Variants in CCSER1 observed in about 807,000 individuals in gnomAD.
The protein encoded by CCSER1 is serine-rich coiled-coil domain-containing protein 1.
Under a neutral mutation model 82.0 loss-of-function variants are expected in CCSER1, and 41 were observed. The ratio of observed to expected loss-of-function variants is 0.50; its 90% CI spans 0.39 to 0.65. The LOEUF is 0.65. CCSER1 is among the 30% of genes least tolerant of loss of function. The pLI, the probability that CCSER1 is intolerant of heterozygous loss-of-function variation, is 0.00. For missense variants in CCSER1, 1,119 were observed against 1,064.2 expected, an observed-to-expected ratio of 1.05 and a Z score of -0.72; for synonymous variants, 414 against 383.9, an observed-to-expected ratio of 1.08 and a Z score of -0.92.
chr4:90,760,806 A>G (rs1189582889), intron 7 of CCSER1, among the ~76,000 whole-genome samples: 2 of 152,082 alleles, frequency 1.3e-5, no homozygotes, highest in African/African-American at 2.4e-5. Flanking sequence ...TGAGGTTACA[A>G]AAACAAATAC....
intron 7 of CCSER1, among the ~76,000 whole-genome samples, chr4:90,786,345 T>C (rs1754517692): frequency 6.6e-6 from 1 of 152,152 alleles, no homozygotes; most frequent in Non-Finnish European, 1.5e-5. Flanking sequence ...TTGGTCTGAA[T>C]ATTTTCTTTG....
intron 10 of CCSER1, among the ~76,000 whole-genome samples, chr4:91,406,102 A>G (rs1752682503): frequency 6.6e-6 from 1 of 152,214 alleles, no homozygotes. Flanking sequence ...TGCAAAACAG[A>G]GAAATTTGTT....
At chr4:90,143,815 G>C (rs921631864) in intron 1 of CCSER1, among the ~76,000 whole-genome samples, 1 of 151,622 alleles carries the variant, frequency 6.6e-6, no homozygotes, top group Non-Finnish European at 1.5e-5. Context: ...CTCCCAAGTA[G>C]CTGGGACCAC....
At chr4:91,418,763 A>G (rs1247226979) in intron 10 of CCSER1, among the ~76,000 whole-genome samples, 1 of 152,064 alleles carries the variant, frequency 6.6e-6, no homozygotes, top group African/African-American at 2.4e-5. Flanking sequence ...ATTAAAGACA[A>G]AAGCTTTGCC....
rs560012363 is a variant in CCSER1, at chr4:91,053,025, G to T, written c.2173-32925G>T. Among the ~76,000 whole-genome samples the T allele has an allele frequency of 2.0e-5, 3 of 152,056 alleles. No homozygotes were observed. In the East Asian group the frequency reaches 5.8e-4, roughly 29 times the overall value. ...GCATATATAAACCACTAAAATGATG[G>T]AAAATACACCAAGCTGAAGTGGGAT... is the stretch of plus-strand genomic sequence containing the variant. On this transcript the variant is annotated intron_variant, in intron 9 of 10. Transcript: ENST00000509176.
intron 5 of CCSER1, among the ~76,000 whole-genome samples, chr4:90,527,961 A>G (rs1176311894): frequency 1.3e-5 from 2 of 152,122 alleles, no homozygotes; most frequent in Non-Finnish European, 2.9e-5. Context: ...TGCTGACAGC[A>G]TAGGGGAAAT....
intron 10 of CCSER1, among the ~76,000 whole-genome samples, chr4:91,378,556 G>C (rs1248718777): frequency 6.6e-6 from 1 of 152,152 alleles, no homozygotes; most frequent in Non-Finnish European, 1.5e-5. Flanking sequence ...CTGTTTGTCT[G>C]TTATTGGTGT....
In CCSER1 at chr4:90,460,044, C is replaced by T. The variant is rs1030100477; in HGVS notation, c.1604-8190C>T. On this transcript the variant is annotated intron_variant, in intron 4 of 10. Coordinates refer to ENST00000509176, the MANE Select transcript of CCSER1 (RefSeq NM_001145065.2). ...GAAAAGAACTATTCAAAAACTAAGG[C>T]GGCCGGGCGCGGTGGCTCACGCCTG... is the stretch of plus-strand genomic sequence containing the variant. Among the ~76,000 whole-genome samples the T allele has an allele frequency of 1.8e-4, 28 of 151,624 alleles. 1 individual carries two copies. Among genetic ancestry groups the T allele is most frequent in the African/African-American group, 5.9e-4 (24 of 40,990 alleles).
In CCSER1 at chr4:90,539,276, T is replaced by C. The variant is rs568820544; in HGVS notation, c.1724+70922T>C. ...AAAACTAACAAATGAGTGTAGGTCA[T>C]GAAAATGTTTAAGAACCCCTTCCCT... On this transcript the variant is annotated intron_variant, in intron 5 of 10. Transcript: ENST00000509176. Among the ~76,000 whole-genome samples the C allele has an allele frequency of 3.2e-4, 48 of 152,038 alleles. 1 individual carries two copies. The highest frequency in any genetic ancestry group is 2.8e-3 in the Admixed American group (42 of 15,266).
At chr4:91,118,245 C>T (rs570225756) in intron 10 of CCSER1, among the ~76,000 whole-genome samples, 41 of 150,062 alleles carry the variant, frequency 2.7e-4, no homozygotes, top group Non-Finnish European at 4.6e-4. Context: ...CTTTGTGGTA[C>T]TCTCTTTCTG....
chr4:90,702,159 T>C, intron 6 of CCSER1, among the ~76,000 whole-genome samples: 1 of 152,092 alleles, frequency 6.6e-6, no homozygotes, highest in Non-Finnish European at 1.5e-5. Context: ...TCAATATCTA[T>C]TTTATTGGGA....
intron 5 of CCSER1, among the ~76,000 whole-genome samples, chr4:90,574,767 G>GT (rs202021673): frequency 4.4e-4 from 67 of 151,034 alleles, no homozygotes; most frequent in Admixed American, 1.5e-3. Context: ...ACATTTTGGT[G>GT]TTTTTTTTGT....
chr4:90,538,324 A>G (rs549190191), intron 5 of CCSER1, among the ~76,000 whole-genome samples: 33 of 152,158 alleles, frequency 2.2e-4, no homozygotes, highest in African/African-American at 7.9e-4. Flanking sequence ...TTTACATAGA[A>G]TTTAACTTTT....
chr4:90,163,267 A>T lies in CCSER1; in HGVS notation c.-42+35436A>T, dbSNP rs189517760. 5.9e-5 allele frequency among the ~76,000 whole-genome samples: 9 copies of T among 152,124 alleles called. No individual in the cohort carries two copies. The East Asian group carries it at 1.7e-3, about 29-fold the overall frequency. ...AGTGCTTTTAATGTAATAAGTGGGG[A>T]TAATAAATGTTTCGTAATACCTATA... On this transcript the variant is annotated intron_variant, in intron 1 of 10. Transcript: ENST00000509176.
At chr4:91,257,654 A>T (rs1740801811) in intron 10 of CCSER1, among the ~76,000 whole-genome samples, 1 of 152,154 alleles carries the variant, frequency 6.6e-6, no homozygotes, top group South Asian at 2.1e-4. Context: ...CTAAGGGCAC[A>T]TAATGAAAAT....
chr4:90,903,836 C>CA (rs34799713), intron 8 of CCSER1, among the ~76,000 whole-genome samples: 9,195 of 121,310 alleles, frequency 0.076, 591 homozygotes, highest in African/African-American at 0.18. Flanking sequence ...TACTCTGTCT[C>CA]AAAAAAAAAA....
At chr4:91,357,904 G>T (rs201363079) in intron 10 of CCSER1, among the ~76,000 whole-genome samples, 2,884 of 28,538 alleles carry the variant, frequency 0.1, 184 homozygotes, top group East Asian at 0.18. Flanking sequence ...TTTTTTTTTT[G>T]AAGATAACCA....
chr4:91,499,160 T>C (rs1759078649), intron 10 of CCSER1, among the ~76,000 whole-genome samples: 2 of 151,424 alleles, frequency 1.3e-5, no homozygotes, highest in South Asian at 4.1e-4. Flanking sequence ...ATATATTTTA[T>C]TTAATTTAAT....
At chr4:90,581,186 A>G (rs76381740) in intron 5 of CCSER1, among the ~76,000 whole-genome samples, 1,880 of 152,222 alleles carry the variant, frequency 0.012, 38 homozygotes, top group African/African-American at 0.043. Context: ...ATAGATTGTA[A>G]TATCTCAAAA....
Sources: gnomAD v4.1 joint callset for allele counts (sites outside exome capture counted in the v4.1 genomes callset) on GRCh38, gnomAD v4.1.1 for gene constraint, MANE v1.5 for transcripts, NCBI Gene and HGNC (gene_info 2026-07-23, HGNC 2026-07-21) for gene names.